Variants in GAS2 observed in about 807,000 individuals in gnomAD.
The protein encoded by GAS2 is growth arrest-specific protein 2.
In GAS2, 20 loss-of-function variants were observed where a neutral mutation model predicts 37.5. The ratio of observed to expected loss-of-function variants is 0.53; its 90% CI spans 0.37 to 0.77. The LOEUF is 0.77. Among genes scored for constraint, GAS2 ranks in the 30% least tolerant of loss-of-function variants. GAS2 has a pLI of 0.00. For missense variants in GAS2, 336 were observed against 373.4 expected (o/e 0.90, Z 0.82); for synonymous variants, 144 against 132.2 (o/e 1.09, Z -0.61).
chr11:22,713,106 A>G (rs1357211619), intron 3 of GAS2, among the ~76,000 whole-genome samples: 2 of 151,322 alleles, frequency 1.3e-5, no homozygotes, highest in African/African-American at 2.4e-5. Flanking sequence ...GAAAAAAGAA[A>G]TACAAAAAAC....
intron 7 of GAS2, among the ~76,000 whole-genome samples, chr11:22,780,066 A>G (rs539062747): frequency 8.5e-5 from 13 of 152,350 alleles, no homozygotes; most frequent in African/African-American, 3.1e-4. Flanking sequence ...TACATTGCGT[A>G]GTATATACGA....
chr11:22,738,268 G>A (rs7113066), intron 5 of GAS2, among the ~76,000 whole-genome samples: 141,821 of 152,266 alleles, frequency 0.93, 66,866 homozygotes, highest in East Asian at 1. Flanking sequence ...TTTTATTAGG[G>A]AAAGACATAG....
intron 5 of GAS2, among the ~76,000 whole-genome samples, chr11:22,742,644 T>A (rs2134251129): frequency 6.6e-6 from 1 of 152,232 alleles, no homozygotes; most frequent in African/African-American, 2.4e-5. Flanking sequence ...TTCAGCGGCA[T>A]AACTAATTTT....
chr11:22,804,231 A>G (rs1856792889), intron 7 of GAS2, among the ~76,000 whole-genome samples: 1 of 152,126 alleles, frequency 6.6e-6, no homozygotes, highest in Non-Finnish European at 1.5e-5. Flanking sequence ...CAAAGGACAG[A>G]ATATGTTAGA....
chr11:22,658,161 G>A (rs1848876444), intron 1 of GAS2, among the ~76,000 whole-genome samples: 1 of 152,044 alleles, frequency 6.6e-6, no homozygotes, highest in African/African-American at 2.4e-5. Context: ...AAGTAGCTGG[G>A]ATTACAGGTG....
At chr11:22,778,921 G>C (rs1177290536) in intron 7 of GAS2, among the ~76,000 whole-genome samples, 2 of 152,120 alleles carry the variant, frequency 1.3e-5, no homozygotes, top group Admixed American at 1.3e-4. Context: ...TTTTGTAAAT[G>C]AGAAGGAATG....
At chr11:22,709,996 A>G (rs1347352579) in intron 3 of GAS2, among the ~76,000 whole-genome samples, 1 of 122,900 alleles carries the variant, frequency 8.1e-6, no homozygotes, top group Admixed American at 1.0e-4. Flanking sequence ...GGAACATCGC[A>G]CTCTGGGGAC....
intron 1 of GAS2, among the ~76,000 whole-genome samples, chr11:22,671,662 G>A (rs145127707): frequency 1.1e-4 from 16 of 152,132 alleles, no homozygotes; most frequent in African/African-American, 3.9e-4. Context: ...TTTTTGTGTA[G>A]CTTGTTCTTT....
chr11:22,808,784 T>C (rs1011077307), intron 7 of GAS2, among the ~76,000 whole-genome samples: 43 of 152,194 alleles, frequency 2.8e-4, no homozygotes, highest in African/African-American at 9.9e-4. Context: ...CGAACAGTGG[T>C]AGAAAGAATC....
rs368894523 is a variant in GAS2 at position 22,674,965 on chromosome 11, T to C, written c.96T>C (p.Asn32=). The C allele has an allele frequency of 1.9e-6, 3 of 1,613,842 alleles. No homozygotes were observed. In the African/African-American group the frequency reaches 4.0e-5, roughly 22 times the overall value. Reference sequence around the variant, plus strand: ...GGCTAGCCAGCAGACATGAAGCTAATTTGCTACCAATGAAAGAAGATCTGG... The same window carrying C: ...GGCTAGCCAGCAGACATGAAGCTAACTTGCTACCAATGAAAGAAGATCTGG... The part of the protein sequence containing the change: ...SQWLASRHEA[N]LLPMKEDLAL... Residue 32 remains asparagine (N), a synonymous_variant, in exon 2 of 8, where the codon AAT becomes AAC. Coordinates refer to ENST00000454584, the MANE Select transcript of GAS2 (RefSeq NM_001143830.3).
chr11:22,687,422 T>G (rs1254008223), intron 3 of GAS2, among the ~76,000 whole-genome samples: 1 of 152,180 alleles, frequency 6.6e-6, no homozygotes, highest in East Asian at 1.9e-4. Context: ...TACTAGAATT[T>G]TTAAAAAGCT....
At chr11:22,737,662 T>G in intron 4 of GAS2, 43 bp from the exon 5 acceptor site, 1 of 1,590,574 alleles carries the variant, frequency 6.3e-7, no homozygotes, top group South Asian at 1.1e-5. Flanking sequence ...GAGCTGCTTA[T>G]TCCTTCTATT....
At chr11:22,731,775 A>T (rs1418716839) in intron 4 of GAS2, among the ~76,000 whole-genome samples, 5 of 151,784 alleles carry the variant, frequency 3.3e-5, no homozygotes, top group African/African-American at 1.2e-4. Flanking sequence ...GTGGGAAAAA[A>T]GCTATATTAC....
intron 2 of GAS2, among the ~76,000 whole-genome samples, chr11:22,679,781 T>C (rs1251999149): frequency 1.3e-5 from 2 of 152,102 alleles, no homozygotes; most frequent in African/African-American, 4.8e-5. Flanking sequence ...TATAGATCTT[T>C]AGGATATAGG....
At chr11:22,735,138 A>G (rs562618295) in intron 4 of GAS2, among the ~76,000 whole-genome samples, 11 of 151,412 alleles carry the variant, frequency 7.3e-5, no homozygotes, top group African/African-American at 2.7e-4. Context: ...TGTAGTCACT[A>G]AGTCCTTTCT....
chr11:22,789,549 C>T (rs557580436), intron 7 of GAS2, among the ~76,000 whole-genome samples: 3 of 142,972 alleles, frequency 2.1e-5, no homozygotes, highest in South Asian at 2.3e-4. Context: ...GCAAGCTCCA[C>T]CTACCGGGTT....
At chr11:22,806,978 A>G (rs946167840) in intron 7 of GAS2, among the ~76,000 whole-genome samples, 2 of 152,218 alleles carry the variant, frequency 1.3e-5, no homozygotes, top group South Asian at 4.1e-4. Context: ...TGTTTTAAGT[A>G]TTATGGGTAA....
chr11:22,658,690 A>G (rs1263868669), intron 1 of GAS2, among the ~76,000 whole-genome samples: 1 of 152,236 alleles, frequency 6.6e-6, no homozygotes. Context: ...GTAGGATTGA[A>G]TGCTCACATA....
At chr11:22,673,718 C>T (rs1215503591) in intron 1 of GAS2, among the ~76,000 whole-genome samples, 3 of 152,102 alleles carry the variant, frequency 2.0e-5, no homozygotes, top group Non-Finnish European at 4.4e-5. Flanking sequence ...ACCAGCCTGG[C>T]CAACATGGCG....
Sources: gnomAD v4.1 joint callset for allele counts (sites outside exome capture counted in the v4.1 genomes callset) on GRCh38, gnomAD v4.1.1 for gene constraint, MANE v1.5 for transcripts, NCBI Gene and HGNC (gene_info 2026-07-23, HGNC 2026-07-21) for gene names.